Variants in PBX3 observed in about 807,000 individuals in gnomAD.
The protein encoded by PBX3 is PBX homeobox 3.
A neutral mutation model predicts 48.5 loss-of-function variants in PBX3; 14 were observed. The observed-to-expected ratio is 0.29, with a 90% CI of 0.19 to 0.45. The LOEUF (loss-of-function observed/expected upper bound fraction) is 0.45. Among genes scored for constraint, PBX3 ranks in the 20% least tolerant of loss-of-function variants. The pLI is 1.00. For missense variants in PBX3, 386 were observed against 546.7 expected, an observed-to-expected ratio of 0.71 and a Z score of 2.93; for synonymous variants, 210 against 200.3, an observed-to-expected ratio of 1.05 and a Z score of -0.41.
At chr9:125,837,717 A>G (rs1238047803) in intron 2 of PBX3, among the ~76,000 whole-genome samples, 1 of 151,834 alleles carries the variant, frequency 6.6e-6, no homozygotes, top group East Asian at 1.9e-4. Context: ...CAGCCACCCG[A>G]GCAGCTGGGA....
At chr9:125,896,783 A>G (rs921155643) in intron 2 of PBX3, among the ~76,000 whole-genome samples, 2 of 151,988 alleles carry the variant, frequency 1.3e-5, no homozygotes, top group Non-Finnish European at 2.9e-5. Context: ...AGAGAAGCAG[A>G]GTGAGGTAGA....
At chr9:125,829,345 C>T (rs1057132531) in intron 2 of PBX3, among the ~76,000 whole-genome samples, 1 of 151,928 alleles carries the variant, frequency 6.6e-6, no homozygotes, top group Non-Finnish European at 1.5e-5. Context: ...CAAATGCAAC[C>T]GAGGTACATT....
At chr9:125,915,041 GTATCCTCGTTT>G (rs1841293840) in intron 2 of PBX3, among the ~76,000 whole-genome samples, 1 of 152,052 alleles carries the variant, frequency 6.6e-6, no homozygotes, top group Non-Finnish European at 1.5e-5. Context: ...ACTGTATTTA[GTATCCTCGTTT>G]TATAGTTTGC....
At chr9:125,788,770 G>A (rs947041060) in intron 2 of PBX3, among the ~76,000 whole-genome samples, 6 of 152,010 alleles carry the variant, frequency 3.9e-5, no homozygotes, top group African/African-American at 1.4e-4. Context: ...AGCTACTTGG[G>A]AGGCTGTGGC....
rs1186794647 is a variant in PBX3 at position 125,899,268 on chromosome 9, A to AATAT, written c.275-16416_275-16413dup. On this transcript the variant is annotated intron_variant, in intron 2 of 8. Coordinates refer to ENST00000373489, the MANE Select transcript of PBX3 (RefSeq NM_006195.6). ...ACATATGTATATATATTTATATATA[A>AATAT]ATATACATATGTATATATATTTATA... Among the ~76,000 whole-genome samples, 67 of 119,428 alleles carry AATAT rather than the reference A, an allele frequency of 5.6e-4. 1 individual carries two copies. The highest frequency in any genetic ancestry group is 1.9e-3 in the African/African-American group (61 of 32,046). The allele number at this position is 119,428 out of a possible 152,430, so 78.3% of individuals were successfully genotyped here.
chr9:125,874,978 C>T (rs1319941618), intron 2 of PBX3, among the ~76,000 whole-genome samples: 1 of 152,178 alleles, frequency 6.6e-6, no homozygotes, highest in Non-Finnish European at 1.5e-5. Flanking sequence ...AAATGTTTTA[C>T]TTTCATTCAG....
intron 2 of PBX3, among the ~76,000 whole-genome samples, chr9:125,895,281 A>G (rs1208092054): frequency 6.6e-6 from 1 of 152,088 alleles, no homozygotes; most frequent in Non-Finnish European, 1.5e-5. Flanking sequence ...AATTAATACT[A>G]TGTTATTTAA....
chr9:125,840,373 G>A (rs578046966), intron 2 of PBX3, among the ~76,000 whole-genome samples: 33 of 151,734 alleles, frequency 2.2e-4, no homozygotes, highest in Non-Finnish European at 4.4e-4. Flanking sequence ...GCGTATGCTG[G>A]CCTTTTAGCA....
At chr9:125,776,888 A>T (rs906116956) in intron 2 of PBX3, among the ~76,000 whole-genome samples, 4 of 152,034 alleles carry the variant, frequency 2.6e-5, no homozygotes, top group Non-Finnish European at 5.9e-5. Flanking sequence ...AGATAGAAGT[A>T]TTGTGGCTTA....
chr9:125,762,207 G>A (rs192465934), intron 2 of PBX3, among the ~76,000 whole-genome samples: 401 of 152,074 alleles, frequency 2.6e-3, no homozygotes, highest in Admixed American at 5.5e-3. Flanking sequence ...TAAATTTTCA[G>A]GAACTGCAAA....
chr9:125,873,410 C>G (rs1840174848), intron 2 of PBX3, among the ~76,000 whole-genome samples: 1 of 152,102 alleles, frequency 6.6e-6, no homozygotes, highest in East Asian at 1.9e-4. Context: ...ATTTTTTCCT[C>G]AAGAATATGT....
intron 5 of PBX3, among the ~76,000 whole-genome samples, chr9:125,947,202 TTACAGA>T (rs1356249533): frequency 2.0e-5 from 3 of 151,876 alleles, no homozygotes; most frequent in African/African-American, 7.3e-5. Flanking sequence ...AATAAAAAGA[TTACAGA>T]TACAGGGGAG....
At chr9:125,769,828 G>C (rs1836896018) in intron 2 of PBX3, among the ~76,000 whole-genome samples, 1 of 152,214 alleles carries the variant, frequency 6.6e-6, no homozygotes. Context: ...GAAGTAGGAC[G>C]AGGAGATTTC....
intron 2 of PBX3, among the ~76,000 whole-genome samples, chr9:125,799,960 C>T (rs1166676298): frequency 6.6e-6 from 1 of 152,146 alleles, no homozygotes; most frequent in Non-Finnish European, 1.5e-5. Context: ...GGTGAAGCCT[C>T]ACAAATCAAG....
chr9:125,748,313 C>T (rs1026411402), intron 1 of PBX3: 61 of 1,185,634 alleles, frequency 5.1e-5, no homozygotes, highest in Non-Finnish European at 6.1e-5. Context: ...TCTGCAGTGG[C>T]CGAGGCTGCT....
At chr9:125,791,301 G>GTCTATCTATCTATCTATCTATCTATCTA (rs61202902) in intron 2 of PBX3, among the ~76,000 whole-genome samples, 6 of 108,898 alleles carry the variant, frequency 5.5e-5, no homozygotes, top group Non-Finnish European at 1.0e-4. Context: ...CTGTCTGTCT[G>GTCTATCTATCTATCTATCTATCTATCTA]TCTATCTATC....
In PBX3 at chr9:125,956,230, C is replaced by G. The variant is rs144235918; in HGVS notation, c.844-4454C>G. Among the ~76,000 whole-genome samples the G allele has an allele frequency of 2.0e-4, 30 of 152,264 alleles. No individual in the cohort carries two copies. In the East Asian group the frequency reaches 4.6e-3, roughly 24 times the overall value. ...ACTAAAATAACTAAAACAATCTGTCCAAAGTCACTCAGCTTAGTAAATAGC... is the reference window on the plus strand; with the variant it reads ...ACTAAAATAACTAAAACAATCTGTCGAAAGTCACTCAGCTTAGTAAATAGC... On this transcript the variant is annotated intron_variant, in intron 5 of 8. Transcript: ENST00000373489.
chr9:125,803,132 C>T (rs1356164411), intron 2 of PBX3, among the ~76,000 whole-genome samples: 3 of 116,604 alleles, frequency 2.6e-5, no homozygotes, highest in East Asian at 2.6e-4. Context: ...CTCGCTGTGT[C>T]GCCCAGGCTG....
At chr9:125,775,039 G>T (rs1837035305) in intron 2 of PBX3, among the ~76,000 whole-genome samples, 3 of 151,916 alleles carry the variant, frequency 2.0e-5, no homozygotes, top group African/African-American at 7.3e-5. Context: ...GCTAATTTTT[G>T]TATTTTTAAT....
Sources: gnomAD v4.1 joint callset for allele counts (sites outside exome capture counted in the v4.1 genomes callset) on GRCh38, gnomAD v4.1.1 for gene constraint, MANE v1.5 for transcripts, NCBI Gene and HGNC (gene_info 2026-07-23, HGNC 2026-07-21) for gene names.